Variants in KANTR observed in about 807,000 individuals in gnomAD.
The protein encoded by KANTR is KANTR integral membrane protein, also known as KDM5C adjacent transcript.
chrX:53,117,110 C>T (rs1012303218), intron 2 of KANTR, among the ~76,000 whole-genome samples: 44 of 110,427 alleles, frequency 4.0e-4, no homozygotes, highest in Admixed American at 3.2e-3. Context: ...GGTGAAATCC[C>T]GTCTCTACTA....
chrX:53,135,874 G>C (rs1933414084), intron 2 of KANTR, among the ~76,000 whole-genome samples: 1 of 111,929 alleles, frequency 8.9e-6, no homozygotes, highest in Admixed American at 9.5e-5. Context: ...TCTAGCCCTA[G>C]TGTCCACTTT....
chrX:53,143,869 GC>G, downstream of KANTR: 1 of 462,204 alleles, frequency 2.2e-6, no homozygotes, highest in Admixed American at 2.7e-5. Context: ...CTTTGCACAT[GC>G]CAGAGCCATT....
intron 2 of KANTR, among the ~76,000 whole-genome samples, chrX:53,116,355 T>A (rs1366424499): frequency 8.9e-6 from 1 of 112,344 alleles, no homozygotes; most frequent in Non-Finnish European, 1.9e-5. Flanking sequence ...GGCCTCGCAG[T>A]CAGCCAGAAG....
At position 53,132,626 on chromosome X, in the gene KANTR, C is replaced by T. The variant is rs141363372; in HGVS notation, n.204-9222C>T. Among the ~76,000 whole-genome samples, 751 of 111,406 alleles carry T rather than the reference C, an allele frequency of 6.7e-3. 5 individuals are homozygous for T. Among genetic ancestry groups the T allele is most frequent in the African/African-American group, 0.023 (706 of 30,673 alleles). Reference sequence around the variant, plus strand: ...TTGCATTGGGATTGGGGACTTTGGCCGCCATCCCAGAGATGAATGTGGCAC... The same window carrying T: ...TTGCATTGGGATTGGGGACTTTGGCTGCCATCCCAGAGATGAATGTGGCAC... On this transcript the variant is annotated intron_variant and non_coding_transcript_variant, in intron 2 of 2. Transcript: ENST00000366185.
intron 2 of KANTR, among the ~76,000 whole-genome samples, chrX:53,106,686 T>G (rs1556812866): frequency 9.0e-6 from 1 of 110,852 alleles, no homozygotes; most frequent in African/African-American, 3.4e-5. Context: ...ACAGACATAC[T>G]GTACCCAGCC....
intron 2 of KANTR, among the ~76,000 whole-genome samples, chrX:53,137,536 G>A (rs1390701871): frequency 9.0e-6 from 1 of 111,236 alleles, no homozygotes; most frequent in African/African-American, 3.3e-5. Context: ...AGGCTGAGGC[G>A]AGCAGATCAC....
intron 2 of KANTR, among the ~76,000 whole-genome samples, chrX:53,121,321 G>T (rs1933217092): frequency 8.9e-6 from 1 of 112,034 alleles, no homozygotes; most frequent in Non-Finnish European, 1.9e-5. Flanking sequence ...TTTTAAATAG[G>T]TTTTTATTCT....
downstream of KANTR, among the ~76,000 whole-genome samples, chrX:53,147,380 C>T (rs1022171293): frequency 9.0e-6 from 1 of 111,674 alleles, no homozygotes; most frequent in African/African-American, 3.3e-5. Flanking sequence ...AAGGCCATTA[C>T]ATAATGGTGA....
downstream of KANTR, chrX:53,142,847 T>C (rs1556818672): frequency 1.9e-4 from 96 of 500,620 alleles, no homozygotes; most frequent in Non-Finnish European, 2.9e-5. Context: ...CAGTGGATGA[T>C]GGAGGGGCCA....
intron 1 of KANTR, among the ~76,000 whole-genome samples, chrX:53,097,350 G>GTTTTTTTTTTTTTTTTTTTTTT (rs781783647): frequency 1.5e-5 from 1 of 68,001 alleles, no homozygotes; most frequent in African/African-American, 5.3e-5. Flanking sequence ...TTTGTTTTAA[G>GTTTTTTTTTTTTTTTTTTTTTT]TTTTTTTTTT....
At chrX:53,129,065 C>CTTTTT (rs10550250), downstream of KANTR, among the ~76,000 whole-genome samples, 1 of 55,490 alleles carries the variant, frequency 1.8e-5, no homozygotes, top group Non-Finnish European at 3.6e-5. Context: ...TCTTCTTCTT[C>CTTTTT]TTTTTTTTTT....
chrX:53,128,340 T>C (rs1452734206), downstream of KANTR, among the ~76,000 whole-genome samples: 1 of 111,543 alleles, frequency 9.0e-6, no homozygotes, highest in Non-Finnish European at 1.9e-5. Flanking sequence ...GTGTGGTCAG[T>C]GCAGTAACAC....
chrX:53,103,341 T>TTC (rs1932911344), intron 2 of KANTR, among the ~76,000 whole-genome samples: 1 of 111,074 alleles, frequency 9.0e-6, no homozygotes, highest in African/African-American at 3.3e-5. Flanking sequence ...AGGCATCCTG[T>TTC]TCTCTAGCCA....
At chrX:53,145,703 C>T (rs1377297802), downstream of KANTR, among the ~76,000 whole-genome samples, 1 of 112,370 alleles carries the variant, frequency 8.9e-6, no homozygotes. Flanking sequence ...ACTGCCTCCT[C>T]AAGTGGGTCC....
intron 2 of KANTR, among the ~76,000 whole-genome samples, chrX:53,106,575 A>G (rs1027377700): frequency 1.8e-5 from 2 of 108,163 alleles, no homozygotes; most frequent in Non-Finnish European, 3.8e-5. Flanking sequence ...GCTAATTTTT[A>G]TATTTTTGTA....
intron 2 of KANTR, among the ~76,000 whole-genome samples, chrX:53,118,072 C>T (rs1556814927): frequency 8.9e-6 from 1 of 112,230 alleles, no homozygotes; most frequent in African/African-American, 3.2e-5. Flanking sequence ...ACATTTGGGT[C>T]ATTTCCAGCT....
rs139365498 is a variant in KANTR at position 53,141,753 on chromosome X, G to A, written n.204-95G>A. ...CTGGGGCCTAATGTTCTCACATGAC[G>A]GTAGAAAACCAAAATTTGTTGTCAT... On this transcript the variant is annotated intron_variant and non_coding_transcript_variant, in intron 2 of 2. Coordinates refer to the KANTR transcript ENST00000366185. 346 of 123,844 alleles carry A rather than the reference G, an allele frequency of 2.8e-3. 3 individuals are homozygous for A. The highest frequency in any genetic ancestry group is 0.011 in the African/African-American group (329 of 30,701). 10.2% of individuals were successfully genotyped at this position (123,844 alleles called of 1,213,427 possible). A position where few individuals can be genotyped will look rare whatever the true frequency, so the allele number is the denominator to read the frequency against.
intron 2 of KANTR, among the ~76,000 whole-genome samples, chrX:53,104,345 G>A (rs2146720599): frequency 9.1e-6 from 1 of 109,958 alleles, no homozygotes; most frequent in South Asian, 3.9e-4. Context: ...TCCTGCCTCA[G>A]CCTCCCGAGT....
intron 2 of KANTR, among the ~76,000 whole-genome samples, chrX:53,108,889 C>G (rs1419788951): frequency 9.0e-6 from 1 of 110,572 alleles, no homozygotes; most frequent in Non-Finnish European, 1.9e-5. Flanking sequence ...TTTGTGGAGA[C>G]AAGGGTCTCA....
Sources: gnomAD v4.1 joint callset for allele counts (sites outside exome capture counted in the v4.1 genomes callset) on GRCh38, gnomAD v4.1.1 for gene constraint, MANE v1.5 for transcripts, NCBI Gene and HGNC (gene_info 2026-07-23, HGNC 2026-07-21) for gene names.